SKAP2: variants seen among roughly 807,000 people sequenced by gnomAD.
SKAP2 encodes src kinase associated phosphoprotein 2.
A neutral mutation model predicts 54.9 loss-of-function variants in SKAP2; 28 were observed. The ratio of observed to expected loss-of-function variants is 0.51; its 90% CI spans 0.38 to 0.70. SKAP2 has a LOEUF of 0.70. Among genes scored for constraint, SKAP2 ranks in the 30% least tolerant of loss-of-function variants. The pLI, the probability that SKAP2 is intolerant of heterozygous loss-of-function variation, is 0.00. For synonymous variants in SKAP2, 137 were observed against 134.3 expected, an observed-to-expected ratio of 1.02 and a Z score of -0.14; for missense variants, 356 against 424.1, an observed-to-expected ratio of 0.84 and a Z score of 1.41.
intron 4 of SKAP2, among the ~76,000 whole-genome samples, chr7:26,840,768 AAATAG>A (rs1411455459): frequency 1.3e-5 from 2 of 152,068 alleles, no homozygotes; most frequent in African/African-American, 4.8e-5. Flanking sequence ...ACTTTCTTCT[AAATAG>A]AATATCAAAA....
At chr7:26,725,328 C>T in intron 9 of SKAP2, 100 bp downstream of exon 9, 2 of 765,218 alleles carry the variant, frequency 2.6e-6, no homozygotes, top group Non-Finnish European at 4.0e-6. Flanking sequence ...ATTTTCTACT[C>T]AAGCTGTCGA....
chr7:26,849,498 A>G (rs1705749420), intron 3 of SKAP2, among the ~76,000 whole-genome samples: 1 of 152,040 alleles, frequency 6.6e-6, no homozygotes, highest in Admixed American at 6.5e-5. Flanking sequence ...AGCCTGACCA[A>G]CATGGTGAAA....
At position 26,857,493 on chromosome 7, in the gene SKAP2, C is replaced by A. The variant is rs960418141; in HGVS notation, c.68-2603G>T. The A allele has an allele frequency of 3.0e-6, 3 of 985,228 alleles. No individual in the cohort carries two copies. In the African/African-American group the frequency reaches 5.2e-5, roughly 17 times the overall value. 61.0% of individuals were successfully genotyped at this position (985,228 alleles called of 1,614,324 possible). A position where few individuals can be genotyped will look rare whatever the true frequency, so the allele number is the denominator to read the frequency against. ...GAATGAAACCAGCCTCTTCCAGGCA[C>A]AGGAGACTCCTAGACGTGCCGGTGG... On this transcript the variant is annotated intron_variant, in intron 1 of 12. Coordinates refer to ENST00000345317, the MANE Select transcript of SKAP2 (RefSeq NM_003930.5).
At chr7:26,766,273 G>T (rs1446742893) in intron 4 of SKAP2, among the ~76,000 whole-genome samples, 2 of 152,094 alleles carry the variant, frequency 1.3e-5, no homozygotes, top group Non-Finnish European at 2.9e-5. Flanking sequence ...CTCTCTGTTT[G>T]TCTATTATTG....
chr7:26,768,029 G>C (rs1001093110), intron 4 of SKAP2, among the ~76,000 whole-genome samples: 1 of 152,104 alleles, frequency 6.6e-6, no homozygotes, highest in African/African-American at 2.4e-5. Flanking sequence ...TTAATTTTCT[G>C]TCTTGTTGAT....
intron 10 of SKAP2, among the ~76,000 whole-genome samples, chr7:26,688,224 A>G (rs939472732): frequency 6.6e-6 from 1 of 152,304 alleles, no homozygotes. Flanking sequence ...TTTAAAAACT[A>G]TTTTAGAAAG....
rs1787691362 is a variant in SKAP2 at position 26,725,710 on chromosome 7, GT to G, written c.659-146del. 9.1e-6 allele frequency: 9 copies of G among 993,852 alleles called. No homozygotes were observed. The East Asian group carries it at 2.1e-4, about 23-fold the overall frequency. 61.6% of individuals were successfully genotyped at this position (993,852 alleles called of 1,614,324 possible). A position where few individuals can be genotyped will look rare whatever the true frequency, so the allele number is the denominator to read the frequency against. ...TTAACTAAAAACATGTTTAAAAATT[GT>G]TTTGTAAATATGTGAATTTTAAAGT... On this transcript the variant is annotated intron_variant, in intron 8 of 12. Transcript: ENST00000345317.
At chr7:26,728,549 TC>T (rs1787757123) in intron 6 of SKAP2, among the ~76,000 whole-genome samples, 1 of 152,112 alleles carries the variant, frequency 6.6e-6, no homozygotes, top group Non-Finnish European at 1.5e-5. Flanking sequence ...CATGGTTGGT[TC>T]TTGTAAATTC....
At chr7:26,810,581 A>G (rs1784121215) in intron 4 of SKAP2, among the ~76,000 whole-genome samples, 1 of 152,242 alleles carries the variant, frequency 6.6e-6, no homozygotes, top group Admixed American at 6.5e-5. Context: ...AAATATAAGT[A>G]CATGAGGTAA....
At chr7:26,798,050 C>T (rs959549156) in intron 4 of SKAP2, among the ~76,000 whole-genome samples, 14 of 151,726 alleles carry the variant, frequency 9.2e-5, no homozygotes, top group Non-Finnish European at 1.6e-4. Context: ...AGAGAACTTC[C>T]AACTCCTAAA....
intron 4 of SKAP2, among the ~76,000 whole-genome samples, chr7:26,841,052 A>G (rs1386746015): frequency 6.6e-6 from 1 of 152,040 alleles, no homozygotes; most frequent in African/African-American, 2.4e-5. Flanking sequence ...ACTTTTTTCC[A>G]ATGTACAACT....
At chr7:26,683,785 C>T (rs868306068) in intron 11 of SKAP2, among the ~76,000 whole-genome samples, 4 of 152,124 alleles carry the variant, frequency 2.6e-5, no homozygotes, top group African/African-American at 7.2e-5. Context: ...CAGTATGTGG[C>T]CTTCTTTCCA....
intron 4 of SKAP2, among the ~76,000 whole-genome samples, chr7:26,799,049 G>C (rs1783846948): frequency 6.7e-6 from 1 of 150,346 alleles, no homozygotes; most frequent in South Asian, 2.1e-4. Flanking sequence ...GAGGAGGGGA[G>C]GGGCGGGACA....
intron 4 of SKAP2, among the ~76,000 whole-genome samples, chr7:26,789,365 T>C (rs1157511393): frequency 1.3e-5 from 2 of 152,190 alleles, no homozygotes; most frequent in South Asian, 2.1e-4. Flanking sequence ...GCCCAACATG[T>C]ATCATTAACT....
chr7:26,744,148 CT>C (rs904365331), intron 4 of SKAP2, among the ~76,000 whole-genome samples: 5 of 150,660 alleles, frequency 3.3e-5, no homozygotes, highest in Admixed American at 1.3e-4. Context: ...ATTACTTTAT[CT>C]TTTTTTTTCT....
intron 11 of SKAP2, among the ~76,000 whole-genome samples, chr7:26,679,987 T>C (rs2128085860): frequency 6.6e-6 from 1 of 152,330 alleles, no homozygotes; most frequent in South Asian, 2.1e-4. Flanking sequence ...TTTGACTTAA[T>C]AAAAAGTTTC....
intron 4 of SKAP2, among the ~76,000 whole-genome samples, chr7:26,764,564 T>C (rs1783004221): frequency 6.6e-6 from 1 of 152,078 alleles, no homozygotes; most frequent in South Asian, 2.1e-4. Flanking sequence ...CTTTTTTTCA[T>C]AATCTCTTCT....
intron 4 of SKAP2, among the ~76,000 whole-genome samples, chr7:26,822,719 C>CA (rs60291116): frequency 0.03 from 4,167 of 137,610 alleles, 173 homozygotes; most frequent in African/African-American, 0.098. Context: ...ACTAAAAATA[C>CA]AAAAAAAAAA....
intron 4 of SKAP2, among the ~76,000 whole-genome samples, chr7:26,789,881 T>A (rs1006621735): frequency 6.6e-6 from 1 of 152,212 alleles, no homozygotes; most frequent in Non-Finnish European, 1.5e-5. Flanking sequence ...AAGTATATGG[T>A]TGCTCTGTGA....
Sources: gnomAD v4.1 joint callset for allele counts (sites outside exome capture counted in the v4.1 genomes callset) on GRCh38, gnomAD v4.1.1 for gene constraint, MANE v1.5 for transcripts, NCBI Gene and HGNC (gene_info 2026-07-23, HGNC 2026-07-21) for gene names.